GPC5: variants seen among roughly 807,000 people sequenced by gnomAD.
GPC5 encodes the protein glypican-5.
In GPC5, 47 loss-of-function variants were observed where a neutral mutation model predicts 53.9. That is an observed-to-expected ratio of 0.87 (90% confidence interval 0.69 to 1.11). The LOEUF (loss-of-function observed/expected upper bound fraction) is 1.11, where lower values mean the gene tolerates loss of function less well. Ranked by LOEUF, GPC5 falls within the 50% of genes most tolerant of loss-of-function variation. The probability of loss-of-function intolerance (pLI) is 0.00; values close to 1 mark genes in which losing one functional copy is unlikely to be tolerated. For missense variants in GPC5, 748 were observed against 713.1 expected (o/e 1.05, Z -0.56); for synonymous variants, 286 against 263.3 (o/e 1.09, Z -0.84).
intron 4 of GPC5, among the ~76,000 whole-genome samples, chr13:91,731,931 T>A (rs2036708056): frequency 6.6e-6 from 1 of 152,228 alleles, no homozygotes; most frequent in African/African-American, 2.4e-5. Context: ...TAGTCTATAA[T>A]TGATGGACAT....
chr13:91,739,449 A>G (rs2140060487), intron 4 of GPC5, among the ~76,000 whole-genome samples: 1 of 151,638 alleles, frequency 6.6e-6, no homozygotes, highest in African/African-American at 2.4e-5. Flanking sequence ...AGCATTTATT[A>G]TCCTATTTTC....
At chr13:91,991,947 G>A (rs1387486696) in intron 6 of GPC5, among the ~76,000 whole-genome samples, 1 of 152,130 alleles carries the variant, frequency 6.6e-6, no homozygotes, top group African/African-American at 2.4e-5. Flanking sequence ...ATTCACACAT[G>A]CAGTTAATGT....
At chr13:91,936,296 C>T (rs986316811) in intron 6 of GPC5, among the ~76,000 whole-genome samples, 1 of 151,920 alleles carries the variant, frequency 6.6e-6, no homozygotes, top group Non-Finnish European at 1.5e-5. Context: ...TAATGGAGTC[C>T]TCTTCATTCA....
chr13:92,498,281 T>A (rs1348477534), intron 7 of GPC5, among the ~76,000 whole-genome samples: 7 of 152,080 alleles, frequency 4.6e-5, no homozygotes, highest in Non-Finnish European at 1.0e-4. Flanking sequence ...GTGGGCTGTC[T>A]GCATGCACAA....
intron 5 of GPC5, among the ~76,000 whole-genome samples, chr13:91,879,603 A>C (rs1319069372): frequency 1.3e-5 from 2 of 152,138 alleles, no homozygotes; most frequent in African/African-American, 4.8e-5. Context: ...CTGCTTTATA[A>C]GGTTGCTAAT....
At chr13:91,817,987 A>G (rs73607684) in intron 5 of GPC5, among the ~76,000 whole-genome samples, 4,775 of 152,042 alleles carry the variant, frequency 0.031, 259 homozygotes, top group African/African-American at 0.11. Flanking sequence ...TTATTGTCGT[A>G]TATGTTTTTG....
chr13:92,052,479 C>A (rs1276605532), intron 6 of GPC5, among the ~76,000 whole-genome samples: 1 of 152,176 alleles, frequency 6.6e-6, no homozygotes, highest in African/African-American at 2.4e-5. Flanking sequence ...CTTTTATTTC[C>A]TTATTTGTCC....
At chr13:91,828,997 C>G (rs2038616431) in intron 5 of GPC5, among the ~76,000 whole-genome samples, 1 of 151,688 alleles carries the variant, frequency 6.6e-6, no homozygotes, top group Non-Finnish European at 1.5e-5. Flanking sequence ...AAAGTGTTAC[C>G]CACTAATTAT....
At position 91,838,782 on chromosome 13, in the gene GPC5, T is replaced by A. The variant is rs2038751474; in HGVS notation, c.1281-69155T>A. Among the ~76,000 whole-genome samples, 3 of 152,142 alleles carry A rather than the reference T, an allele frequency of 2.0e-5. No individual in the cohort carries two copies. The South Asian group carries it at 6.2e-4, about 31-fold the overall frequency. ...AGAAGCTCAGGGAGAATGGTAAACATCTTCCATAAGGAATGTGAGACAATT... is the reference window on the plus strand; with the variant it reads ...AGAAGCTCAGGGAGAATGGTAAACAACTTCCATAAGGAATGTGAGACAATT... On this transcript the variant is annotated intron_variant, in intron 5 of 7. Coordinates refer to ENST00000377067, the MANE Select transcript of GPC5 (RefSeq NM_004466.6).
At chr13:92,108,198 C>T (rs971476898) in intron 6 of GPC5, among the ~76,000 whole-genome samples, 7 of 152,118 alleles carry the variant, frequency 4.6e-5, no homozygotes, top group Non-Finnish European at 1.0e-4. Flanking sequence ...TCCACATCAA[C>T]AATAATTATA....
At chr13:92,234,107 T>C (rs537826352) in intron 7 of GPC5, among the ~76,000 whole-genome samples, 133 of 152,320 alleles carry the variant, frequency 8.7e-4, no homozygotes, top group Non-Finnish European at 1.3e-3. Context: ...TGAATAGTGC[T>C]GCAATAAACA....
intron 7 of GPC5, among the ~76,000 whole-genome samples, chr13:92,672,580 T>C (rs1483474453): frequency 6.6e-6 from 1 of 152,106 alleles, no homozygotes; most frequent in African/African-American, 2.4e-5. Flanking sequence ...GACATATGCA[T>C]GCATATGCTC....
chr13:92,518,970 G>A (rs1880912372), intron 7 of GPC5, among the ~76,000 whole-genome samples: 1 of 152,106 alleles, frequency 6.6e-6, no homozygotes, highest in African/African-American at 2.4e-5. Flanking sequence ...AAAGGCAGGG[G>A]TTGCAATCCT....
At chr13:92,334,706 A>G (rs1231189899) in intron 7 of GPC5, among the ~76,000 whole-genome samples, 1 of 152,058 alleles carries the variant, frequency 6.6e-6, no homozygotes, top group African/African-American at 2.4e-5. Context: ...GGGTAAATAT[A>G]CCCATTCTAA....
chr13:92,190,976 C>T (rs1478958737), intron 7 of GPC5, among the ~76,000 whole-genome samples: 3 of 151,780 alleles, frequency 2.0e-5, no homozygotes, highest in Non-Finnish European at 4.4e-5. Flanking sequence ...TATAAAATAC[C>T]CACTTTAAAA....
intron 2 of GPC5, among the ~76,000 whole-genome samples, chr13:91,637,787 A>G (rs2034320758): frequency 6.6e-6 from 1 of 152,232 alleles, no homozygotes; most frequent in Non-Finnish European, 1.5e-5. Flanking sequence ...ACAAAAATGA[A>G]GTTTAACTTT....
intron 6 of GPC5, among the ~76,000 whole-genome samples, chr13:92,011,237 C>G (rs78145181): frequency 0.038 from 5,711 of 152,204 alleles, 146 homozygotes; most frequent in Middle Eastern, 0.055. Context: ...TTCTCTTCTC[C>G]TTTCCATCCT....
intron 7 of GPC5, among the ~76,000 whole-genome samples, chr13:92,746,025 T>C (rs1334985813): frequency 6.6e-6 from 1 of 152,082 alleles, no homozygotes; most frequent in Non-Finnish European, 1.5e-5. Flanking sequence ...TTTAATCAAT[T>C]AGCTATATCT....
intron 7 of GPC5, among the ~76,000 whole-genome samples, chr13:92,820,283 C>A (rs1016296681): frequency 6.6e-6 from 1 of 152,124 alleles, no homozygotes; most frequent in Non-Finnish European, 1.5e-5. Flanking sequence ...ATCAAAGACA[C>A]CAGCTTCTCC....
Sources: allele counts gnomAD v4.1 joint callset (sites outside exome capture counted in the v4.1 genomes callset), GRCh38; gene constraint gnomAD v4.1.1; transcripts MANE v1.5; gene names NCBI Gene and HGNC (gene_info 2026-07-23, HGNC 2026-07-21).